Variants in MTA1 observed in about 807,000 individuals in gnomAD.
The protein encoded by MTA1 is metastasis associated 1.
A neutral mutation model predicts 97.0 loss-of-function variants in MTA1; 15 were observed. The ratio of observed to expected loss-of-function variants is 0.15; its 90% CI spans 0.10 to 0.24. The LOEUF (loss-of-function observed/expected upper bound fraction) is 0.24. Among genes scored for constraint, MTA1 ranks in the 10% least tolerant of loss-of-function variants. The pLI is 1.00. For missense variants in MTA1, 709 were observed against 1,015.1 expected, an observed-to-expected ratio of 0.70 and a Z score of 4.10; for synonymous variants, 435 against 417.5, an observed-to-expected ratio of 1.04 and a Z score of -0.51.
Position 105,463,401 on chromosome 14 carries a change from G to T in MTA1, c.1018-92G>T. The stretch of plus-strand genomic sequence containing the variant: ...CCCTGGCCCGGCTGTCCTCTCCGTG[G>T]TGCTCTCCTCTCCGTAGCCTCCAGC... On this transcript the variant is annotated intron_variant, in intron 11 of 20. Coordinates refer to ENST00000331320, the MANE Select transcript of MTA1 (RefSeq NM_004689.4). The surrounding 1 kb of genome is among the most constrained non-coding windows in gnomAD (Gnocchi z 5.9). 1 of 1,521,712 alleles carries T rather than the reference G, an allele frequency of 6.6e-7. No homozygotes were observed. The highest frequency in any genetic ancestry group is 1.7e-5 in the Admixed American group (1 of 59,462). 94.3% of individuals were successfully genotyped at this position (1,521,712 alleles called of 1,614,324 possible).
rs781864475 is a variant in MTA1, at chr14:105,469,909, C to G, written c.1914C>G (p.Gly638=). 12 of 1,611,860 alleles carry G rather than the reference C, an allele frequency of 7.4e-6. No homozygotes were observed. Among genetic ancestry groups the G allele is most frequent in the South Asian group, 2.2e-5 (2 of 90,956 alleles). ...CCAAAGTGCGCCTGATCCGGGGGGG[C>G]TCCCTGCCCCCAGTCAAGCGGCGGC... ...YPTKVRLIRG[G]SLPPVKRRRM... is the part of the protein sequence containing the mutation. The change falls in exon 20 of 21, where the codon GGC becomes GGG. Residue 638 remains glycine (G), a synonymous_variant. Transcript: ENST00000331320.
Position 105,458,265 on chromosome 14 carries a change from T to G in MTA1, c.551-5T>G. ...TCTCAGAAAGGCCACACTTCCTCCC[T>G]GTAGGCGAGGAGGATGGCCGAGACC... On this transcript the variant is annotated splice_polypyrimidine_tract_variant and splice_region_variant and intron_variant, in intron 7 of 20. Transcript: ENST00000331320. 6.2e-7 allele frequency: 1 copy of G among 1,610,470 alleles called. No homozygotes were observed. Among genetic ancestry groups the G allele is most frequent in the Middle Eastern group, 1.7e-4 (1 of 6,054 alleles).
intron 18 of MTA1, 64 bp downstream of exon 18, chr14:105,466,806 C>T (rs971500228): frequency 1.3e-6 from 2 of 1,510,962 alleles, no homozygotes; most frequent in African/African-American, 1.4e-5. Flanking sequence ...TGCTGTGCTG[C>T]TCTGTGTCCC....
intron 7 of MTA1, among the ~76,000 whole-genome samples, chr14:105,457,175 T>C (rs1214443721): frequency 6.6e-6 from 1 of 152,228 alleles, no homozygotes; most frequent in East Asian, 1.9e-4. Flanking sequence ...CACTGAGCTA[T>C]GGAGGCGGCT....
At chr14:105,426,270 C>T (rs887975861) in intron 1 of MTA1, among the ~76,000 whole-genome samples, 10 of 151,528 alleles carry the variant, frequency 6.6e-5, no homozygotes, top group South Asian at 2.1e-4. Context: ...GCGGCAGCGG[C>T]TCCTGGTACC....
intron 1 of MTA1, among the ~76,000 whole-genome samples, chr14:105,430,821 C>T (rs1040877693): frequency 6.6e-6 from 1 of 152,162 alleles, no homozygotes; most frequent in Non-Finnish European, 1.5e-5. Context: ...CAGAAAACTT[C>T]ATGACACATG....
intron 16 of MTA1, chr14:105,465,391 G>A (rs917606863): frequency 9.8e-6 from 4 of 407,954 alleles, no homozygotes; most frequent in Non-Finnish European, 1.3e-5. Context: ...TCCTGGGGTC[G>A]TGATGGGGCC....
Position 105,460,941 on chromosome 14 carries a change from T to G in MTA1, c.930T>G (p.Ile310Met). 2 of 1,610,612 alleles carry G rather than the reference T, an allele frequency of 1.2e-6. No individual in the cohort carries two copies. The highest frequency in any genetic ancestry group is 1.7e-6 in the Non-Finnish European group (2 of 1,178,742). Residue 310 changes from isoleucine (I) to methionine (M), a missense_variant, in exon 10 of 21, where the codon ATT (isoleucine) becomes ATG (methionine). Around this residue, in one of 2 missense-constraint regions of MTA1, gnomAD observed 321 missense variants for 593.5 expected, o/e 0.54. Transcript: ENST00000331320. ...LEKYGKDFTD[I>M]QQDFLPWKSL... ...AATATGGGAAGGATTTCACGGACAT[T>G]CAGCAAGATTTTGTGAGTACCGTGG...
rs1555421168 is a variant in MTA1 at position 105,422,234 on chromosome 14, C to T, written c.28+2171C>T. On this transcript the variant is annotated intron_variant, in intron 1 of 20. Coordinates refer to ENST00000331320, the MANE Select transcript of MTA1 (RefSeq NM_004689.4). The surrounding 1 kb of genome is among the most constrained non-coding windows in gnomAD (Gnocchi z 4.3). ...GCGGCATTTATCCCTGGCTTCTGGA[C>T]CGGAACCCTGGGTTCCGGCAGGACC... Among the ~76,000 whole-genome samples, 1 of 152,172 alleles carries T rather than the reference C, an allele frequency of 6.6e-6. No individual in the cohort carries two copies. Among genetic ancestry groups the T allele is most frequent in the South Asian group, 2.1e-4 (1 of 4,824 alleles).
rs1198806658 is a variant in MTA1 at position 105,470,415 on chromosome 14, G to A, written c.*200G>A. The A allele has an allele frequency of 1.4e-5, 7 of 509,610 alleles. No homozygotes were observed. Among genetic ancestry groups the A allele is most frequent in the Admixed American group, 8.6e-5 (2 of 23,250 alleles). 31.6% of individuals were successfully genotyped at this position (509,610 alleles called of 1,614,324 possible). A position where few individuals can be genotyped will look rare whatever the true frequency, so the allele number is the denominator to read the frequency against. On this transcript the variant is annotated 3_prime_UTR_variant, in exon 21 of 21. Coordinates refer to ENST00000331320, the MANE Select transcript of MTA1 (RefSeq NM_004689.4). Reference sequence around the variant, plus strand: ...ATTCCGAGAATGCCGAGGAGTTGTCGTTTTTAGCTTTGTGTTTACTTTTTG... The same window carrying A: ...ATTCCGAGAATGCCGAGGAGTTGTCATTTTTAGCTTTGTGTTTACTTTTTG...
intron 3 of MTA1, among the ~76,000 whole-genome samples, chr14:105,447,365 C>T (rs1230734405): frequency 3.9e-5 from 6 of 152,170 alleles, no homozygotes; most frequent in African/African-American, 1.4e-4. Context: ...TCCTCTGGCA[C>T]CTGGGGGCAC....
intron 18 of MTA1, chr14:105,467,942 G>A (rs1305906333): frequency 1.9e-5 from 5 of 266,840 alleles, no homozygotes; most frequent in South Asian, 3.7e-5. Context: ...CACCTCACAC[G>A]TGAGTCCCAG....
chr14:105,440,479 G>A (rs1263045930), intron 2 of MTA1, among the ~76,000 whole-genome samples: 1 of 152,260 alleles, frequency 6.6e-6, no homozygotes, highest in African/African-American at 2.4e-5. Context: ...CTGCTGGGAG[G>A]TGCCACTGTC....
Position 105,422,138 on chromosome 14 carries a change from G to A in MTA1, c.28+2075G>A, listed in dbSNP as rs1000615286. 5.3e-5 allele frequency among the ~76,000 whole-genome samples: 8 copies of A among 152,242 alleles called. No homozygotes were observed. Among genetic ancestry groups the A allele is most frequent in the East Asian group, 3.9e-4 (2 of 5,166 alleles). On this transcript the variant is annotated intron_variant, in intron 1 of 20. Transcript: ENST00000331320. This position sits in a 1 kb window ranked among gnomAD's most constrained non-coding sequence, Gnocchi z 4.3. ...GTCAGGCCCCCCACGTGCCCGCCCC[G>A]AGGACTTCCTCTCCCTGCAGGTGAG...
At chr14:105,451,450 C>T (rs587669038) in intron 6 of MTA1, among the ~76,000 whole-genome samples, 1 of 152,366 alleles carries the variant, frequency 6.6e-6, no homozygotes, top group African/African-American at 2.4e-5. Context: ...GCCAGACCAG[C>T]TTCCCAGAAG....
chr14:105,448,773 G>C (rs2082807991), intron 3 of MTA1, among the ~76,000 whole-genome samples: 1 of 152,258 alleles, frequency 6.6e-6, no homozygotes, highest in African/African-American at 2.4e-5. Context: ...GGAGGGCCCA[G>C]AGGAGCCAGG....
chr14:105,445,358 G>A, intron 2 of MTA1, 60 bp from the exon 3 acceptor site: 2 of 1,523,232 alleles, frequency 1.3e-6, no homozygotes, highest in Non-Finnish European at 1.8e-6. Context: ...AGCCCCTCCT[G>A]GGAGCTGTGC....
chr14:105,427,263 G>A (rs1284704528), intron 1 of MTA1, among the ~76,000 whole-genome samples: 1 of 152,246 alleles, frequency 6.6e-6, no homozygotes, highest in African/African-American at 2.4e-5. Context: ...TGCCTGCTGG[G>A]GTGAGCGAGG....
In MTA1 at chr14:105,450,335, G is replaced by T. The variant is rs1555428320; in HGVS notation, c.432+11G>T. The T allele has an allele frequency of 3.8e-6, 6 of 1,597,820 alleles. No homozygotes were observed. The highest frequency in any genetic ancestry group is 5.1e-6 in the Non-Finnish European group (6 of 1,168,380). ...TACCTGGAGCGGGAGGTGAGGCCCAGCCCGGCCTGGTCTGCCGCAGCCAGT... is the reference window on the plus strand; with the variant it reads ...TACCTGGAGCGGGAGGTGAGGCCCATCCCGGCCTGGTCTGCCGCAGCCAGT... On this transcript the variant is annotated intron_variant, in intron 6 of 20. Coordinates refer to ENST00000331320, the MANE Select transcript of MTA1 (RefSeq NM_004689.4).
Sources: allele counts gnomAD v4.1 joint callset (sites outside exome capture counted in the v4.1 genomes callset), GRCh38; gene constraint gnomAD v4.1.1; regional missense constraint gnomAD v4.1.1; non-coding constraint Gnocchi (gnomAD v3.1); transcripts MANE v1.5; gene names NCBI Gene and HGNC (gene_info 2026-07-23, HGNC 2026-07-21).